Variants in FAM20A observed in about 807,000 individuals in gnomAD.
The protein encoded by FAM20A is pseudokinase FAM20A.
Under a neutral mutation model 52.0 loss-of-function variants are expected in FAM20A, and 42 were observed. The ratio of observed to expected loss-of-function variants is 0.81; its 90% CI spans 0.63 to 1.04. FAM20A has a LOEUF of 1.04. FAM20A is among the 50% of genes least tolerant of loss of function. The pLI, the probability that FAM20A is intolerant of heterozygous loss-of-function variation, is 0.00. For missense variants in FAM20A, 742 were observed against 712.7 expected, an observed-to-expected ratio of 1.04 and a Z score of -0.47; for synonymous variants, 304 against 298.9, an observed-to-expected ratio of 1.02 and a Z score of -0.18.
At chr17:68,560,943 C>T (rs539887470) in intron 1 of FAM20A, among the ~76,000 whole-genome samples, 7 of 152,312 alleles carry the variant, frequency 4.6e-5, no homozygotes, top group African/African-American at 1.4e-4. Flanking sequence ...AGCAGAACAT[C>T]TTTTCCTCTG....
At chr17:68,560,044 G>A (rs2087166035) in intron 1 of FAM20A, among the ~76,000 whole-genome samples, 1 of 152,170 alleles carries the variant, frequency 6.6e-6, no homozygotes, top group African/African-American at 2.4e-5. Context: ...GCCTTTGGGA[G>A]GTGATTGGGC....
intron 1 of FAM20A, among the ~76,000 whole-genome samples, chr17:68,575,382 C>T (rs1598056773): frequency 1.5e-5 from 2 of 129,060 alleles, no homozygotes; most frequent in Admixed American, 9.5e-5. Context: ...CTTTACTTTA[C>T]ATATATATAT....
rs780447658 is a variant in FAM20A, at chr17:68,536,795, G to A, written c.*682C>T. On this transcript the variant is annotated 3_prime_UTR_variant, in exon 11 of 11. Coordinates refer to ENST00000592554, the MANE Select transcript of FAM20A (RefSeq NM_017565.4). ...ACTGGCTGCTTAGTGTGACATATTT[G>A]ATGTTATTTCAATTGTAATACTCTT... 3 of 453,760 alleles carry A rather than the reference G, an allele frequency of 6.6e-6. No homozygotes were observed. The highest frequency in any genetic ancestry group is 2.0e-5 in the African/African-American group (1 of 49,900). 28.1% of individuals were successfully genotyped at this position (453,760 alleles called of 1,614,324 possible).
At chr17:68,554,008 A>C (rs568542844) in intron 3 of FAM20A, among the ~76,000 whole-genome samples, 5 of 72,608 alleles carry the variant, frequency 6.9e-5, no homozygotes, top group African/African-American at 4.5e-4. Context: ...ACATATATGC[A>C]TATATACATA....
At chr17:68,538,922 A>G (rs939497550) in intron 10 of FAM20A, among the ~76,000 whole-genome samples, 3 of 152,168 alleles carry the variant, frequency 2.0e-5, no homozygotes, top group Admixed American at 6.5e-5. Context: ...TGAGAAATGT[A>G]TCCTTAAGCG....
intron 1 of FAM20A, among the ~76,000 whole-genome samples, chr17:68,591,290 G>A (rs2088300771): frequency 6.6e-6 from 1 of 152,048 alleles, no homozygotes; most frequent in Non-Finnish European, 1.5e-5. Flanking sequence ...TAGTAGAGAC[G>A]GGGTTTCACC....
At chr17:68,550,382 T>C (rs2086779794) in intron 4 of FAM20A, among the ~76,000 whole-genome samples, 1 of 135,842 alleles carries the variant, frequency 7.4e-6, no homozygotes, top group East Asian at 2.2e-4. Flanking sequence ...TTTTTTTTTT[T>C]TTTTTTTTTT....
intron 3 of FAM20A, among the ~76,000 whole-genome samples, chr17:68,553,282 C>G (rs974915327): frequency 2.0e-5 from 3 of 152,164 alleles, no homozygotes; most frequent in African/African-American, 4.8e-5. Context: ...TTTCCGGAGG[C>G]CTCCTAGCCA....
At chr17:68,541,064 GC>G in intron 7 of FAM20A, 106 bp from the exon 8 acceptor site, 1 of 1,512,826 alleles carries the variant, frequency 6.6e-7, no homozygotes. Flanking sequence ...CCCTGATCCT[GC>G]CCTGGGCTGG....
rs1311678903 is a variant in FAM20A at position 68,536,655 on chromosome 17, TGGCTCTTTTCCTGCCTTACTCCA to T, written c.*799_*821del. 2.2e-6 allele frequency: 1 copy of T among 452,838 alleles called. No individual in the cohort carries two copies. Among genetic ancestry groups the T allele is most frequent in the Non-Finnish European group, 4.4e-6 (1 of 226,444 alleles). 28.1% of individuals were successfully genotyped at this position (452,838 alleles called of 1,614,324 possible). ...GTGGTTGGTGGGCTGTAGTCAGCCT[TGGCTCTTTTCCTGCCTTACTCCA>T]GGCTTGTGTCCCTGCTAGGCCTGTT... is the stretch of plus-strand genomic sequence containing the variant. On this transcript the variant is annotated 3_prime_UTR_variant, in exon 11 of 11. Transcript: ENST00000592554.
rs375165959 is a variant in FAM20A at position 68,558,184 on chromosome 17, GC to G, written c.405-2442del. The G allele has an allele frequency of 1.7e-4, 42 of 247,942 alleles. No individual in the cohort carries two copies. The East Asian group carries it at 5.4e-3, about 32-fold the overall frequency. 15.4% of individuals were successfully genotyped at this position (247,942 alleles called of 1,614,324 possible). On this transcript the variant is annotated intron_variant, in intron 1 of 10. Transcript: ENST00000592554. ...GAGCTGAGAATGCTTCCCGGCTGAAGCCAGCAAGGAAATGGGGGCAAGGAAC... is the reference window on the plus strand; with the variant it reads ...GAGCTGAGAATGCTTCCCGGCTGAAGCAGCAAGGAAATGGGGGCAAGGAAC...
rs1228699015 is a variant in FAM20A at position 68,541,978 on chromosome 17, A to G, written c.1109+7T>C. The G allele has an allele frequency of 1.9e-6, 3 of 1,612,154 alleles. No individual in the cohort carries two copies. Among genetic ancestry groups the G allele is most frequent in the Non-Finnish European group, 1.7e-6 (2 of 1,178,820 alleles). On this transcript the variant is annotated splice_region_variant and intron_variant, in intron 7 of 10. Transcript: ENST00000592554. ...GACTGGGCTGTGTGGCCTGGGGACC[A>G]ACTCACTCCTCTTTTCCTGCCAGTG... is the stretch of plus-strand genomic sequence containing the variant.
chr17:68,549,885 T>G (rs1666257428), intron 4 of FAM20A, among the ~76,000 whole-genome samples: 1 of 152,230 alleles, frequency 6.6e-6, no homozygotes, highest in South Asian at 2.1e-4. Flanking sequence ...TATTTACATA[T>G]TTTAGTACCC....
At chr17:68,544,408 A>G (rs561584353) in intron 4 of FAM20A, among the ~76,000 whole-genome samples, 1 of 152,134 alleles carries the variant, frequency 6.6e-6, no homozygotes, top group South Asian at 2.1e-4. Flanking sequence ...AGTGCTTTTT[A>G]ATCCTTAAGG....
intron 1 of FAM20A, among the ~76,000 whole-genome samples, chr17:68,578,994 A>G (rs2087861347): frequency 6.7e-6 from 1 of 149,984 alleles, no homozygotes; most frequent in Non-Finnish European, 1.5e-5. Context: ...CAGCCTGGTG[A>G]CAGAGCGAGA....
At chr17:68,573,599 T>C (rs1187198470) in intron 1 of FAM20A, among the ~76,000 whole-genome samples, 1 of 145,904 alleles carries the variant, frequency 6.9e-6, no homozygotes, top group Non-Finnish European at 1.5e-5. Flanking sequence ...TTCCTTTCTT[T>C]CTCTCTCTTT....
Position 68,600,584 on chromosome 17 carries a change from C to T in FAM20A, c.83G>A (p.Trp28Ter). 6.4e-7 allele frequency: 1 copy of T among 1,562,114 alleles called. No individual in the cohort carries two copies. Among genetic ancestry groups the T allele is most frequent in the Non-Finnish European group, 8.7e-7 (1 of 1,154,902 alleles). Residue 28 changes from tryptophan to a stop codon, truncating the protein, a stop_gained, in exon 1 of 11, where the codon TGG (tryptophan) becomes TAG (stop). Coordinates refer to ENST00000592554, the MANE Select transcript of FAM20A (RefSeq NM_017565.4). LOFTEE classifies it high-confidence loss of function. This position sits in a 1 kb window ranked among gnomAD's most constrained non-coding sequence, Gnocchi z 6.2. ...LLSADLYFHL[W>*]PQVQRQLRPR... ...CCGCAGCTGGCGCTGTACTTGGGGC[C>T]AGAGGTGGAAGTAGAGGTCGGCGGA...
Position 68,600,702 on chromosome 17 carries a change from G to A in FAM20A, c.-36C>T. 1 of 1,526,114 alleles carries A rather than the reference G, an allele frequency of 6.6e-7. No individual in the cohort carries two copies. The highest frequency in any genetic ancestry group is 2.0e-5 in the Admixed American group (1 of 50,470). 94.5% of individuals were successfully genotyped at this position (1,526,114 alleles called of 1,614,324 possible). A position where few individuals can be genotyped will look rare whatever the true frequency, so the allele number is the denominator to read the frequency against. ...CCAAGGGGGACGCCGGGGGCAGGCC[G>A]GCTGTCTCCGGGGTCCCGGGAGGGG... On this transcript the variant is annotated 5_prime_UTR_variant, in exon 1 of 11. Transcript: ENST00000592554. This position sits in a 1 kb window ranked among gnomAD's most constrained non-coding sequence, Gnocchi z 6.2.
chr17:68,536,227 A>C lies in FAM20A; in HGVS notation c.*1250T>G. Reference sequence around the variant, plus strand: ...TTGACCTTGTACTCTCTTTAGTGACAGCTCCATTCTATTCTCATGCTTACA... The same window carrying C: ...TTGACCTTGTACTCTCTTTAGTGACCGCTCCATTCTATTCTCATGCTTACA... On this transcript the variant is annotated 3_prime_UTR_variant, in exon 11 of 11. Transcript: ENST00000592554. 1 of 454,146 alleles carries C rather than the reference A, an allele frequency of 2.2e-6. No individual in the cohort carries two copies. The allele number at this position is 454,146 out of a possible 1,614,324, so 28.1% of individuals were successfully genotyped here.
Sources: gnomAD v4.1 joint callset for allele counts (sites outside exome capture counted in the v4.1 genomes callset) on GRCh38, gnomAD v4.1.1 for gene constraint, Gnocchi (gnomAD v3.1) non-coding constraint, MANE v1.5 for transcripts, NCBI Gene and HGNC (gene_info 2026-07-23, HGNC 2026-07-21) for gene names.